The following RTKN2 variants were observed in gnomAD, a reference collection of about 807,000 sequenced individuals.
RTKN2 encodes the protein rhotekin 2.
In RTKN2, 69 loss-of-function variants were observed where a neutral mutation model predicts 71.5. The observed-to-expected ratio is 0.96, with a 90% confidence interval of 0.79 to 1.18. The LOEUF (loss-of-function observed/expected upper bound fraction) is 1.18, where lower values mean the gene tolerates loss of function less well. Among genes scored for constraint, RTKN2 ranks in the 50% most tolerant of loss-of-function variants. The probability of loss-of-function intolerance (pLI) is 0.00; values close to 1 mark genes in which losing one functional copy is unlikely to be tolerated. For synonymous variants in RTKN2, 236 were observed against 236.5 expected (o/e 1.00, Z 0.02); for missense variants, 724 against 719.7 (o/e 1.01, Z -0.07).
At chr10:62,231,532 A>T (rs961159552) in intron 6 of RTKN2, among the ~76,000 whole-genome samples, 1 of 152,204 alleles carries the variant, frequency 6.6e-6, no homozygotes, top group African/African-American at 2.4e-5. Flanking sequence ...CACTTTTAAA[A>T]CATTCTTGTC....
intron 6 of RTKN2, among the ~76,000 whole-genome samples, chr10:62,234,092 T>C (rs1382593829): frequency 6.6e-6 from 1 of 152,202 alleles, no homozygotes; most frequent in Non-Finnish European, 1.5e-5. Context: ...GGGGAACATC[T>C]TACTGTGTCA....
intron 1 of RTKN2, among the ~76,000 whole-genome samples, chr10:62,267,171 T>C (rs1448581007): frequency 1.3e-5 from 2 of 152,244 alleles, no homozygotes; most frequent in African/African-American, 4.8e-5. Flanking sequence ...GAGGAAGTAA[T>C]TCCACATTTC....
exon 9 of RTKN2, chr10:62,184,004 G>A (rs903474198): frequency 5.9e-5 from 13 of 219,736 alleles, no homozygotes; most frequent in Non-Finnish European, 1.1e-4. Flanking sequence ...GAATGCCATA[G>A]TAGTTATAAT....
chr10:62,200,274 G>T (rs1490179067), intron 10 of RTKN2, among the ~76,000 whole-genome samples: 1 of 145,080 alleles, frequency 6.9e-6, no homozygotes, highest in Non-Finnish European at 1.5e-5. Flanking sequence ...GAGGCAGGAG[G>T]ATCACTTGAA....
chr10:62,197,872 A>G lies in RTKN2; in HGVS notation c.*36T>C, dbSNP rs369124517. 1.3e-5 allele frequency: 20 copies of G among 1,563,610 alleles called. No individual in the cohort carries two copies. The African/African-American group carries it at 2.1e-4, about 16-fold the overall frequency. On this transcript the variant is annotated 3_prime_UTR_variant, in exon 12 of 12. Coordinates refer to ENST00000373789, the MANE Select transcript of RTKN2 (RefSeq NM_145307.4). The stretch of plus-strand genomic sequence containing the variant: ...TGCCTCTGAATTAAGCTTCACAGTT[A>G]TAGATTTTGTTAAATGTTTTATCAT...
chr10:62,196,933 A>C lies in RTKN2; in HGVS notation c.*975T>G. 1 of 982,988 alleles carries C rather than the reference A, an allele frequency of 1.0e-6. No individual in the cohort carries two copies. The highest frequency in any genetic ancestry group is 1.2e-6 in the Non-Finnish European group (1 of 827,810). 60.9% of individuals were successfully genotyped at this position (982,988 alleles called of 1,614,324 possible). A position where few individuals can be genotyped will look rare whatever the true frequency, so the allele number is the denominator to read the frequency against. On this transcript the variant is annotated 3_prime_UTR_variant, in exon 12 of 12. Coordinates refer to ENST00000373789, the MANE Select transcript of RTKN2 (RefSeq NM_145307.4). ...ATTACCTCCTATGGAAATGATTCCAATGTCACTGTTGTAAGAATATGACAT... is the reference window on the plus strand; with the variant it reads ...ATTACCTCCTATGGAAATGATTCCACTGTCACTGTTGTAAGAATATGACAT...
intron 9 of RTKN2, among the ~76,000 whole-genome samples, chr10:62,212,206 G>C (rs986809899): frequency 6.6e-6 from 1 of 151,418 alleles, no homozygotes; most frequent in Admixed American, 6.6e-5. Context: ...AGGGCACAGC[G>C]AAAACTTCAA....
intron 4 of RTKN2, 38 bp from the exon 5 acceptor site, chr10:62,239,803 T>C (rs780580738): frequency 2.1e-6 from 2 of 959,188 alleles, no homozygotes; most frequent in African/African-American, 1.6e-5. Context: ...CAACAATCCA[T>C]GTAATAAATC....
chr10:62,241,225 T>C, intron 3 of RTKN2, 30 bp from the exon 4 acceptor site: 1 of 1,440,742 alleles, frequency 6.9e-7, no homozygotes, highest in African/African-American at 1.4e-5. Flanking sequence ...AAATGACAAG[T>C]AATAATTTTG....
At chr10:62,242,013 CT>C (rs34782333) in intron 3 of RTKN2, among the ~76,000 whole-genome samples, 43,491 of 132,406 alleles carry the variant, frequency 0.33, 7,105 homozygotes, top group African/African-American at 0.49. Context: ...AATTATTATA[CT>C]TTTTTTTTTT....
intron 1 of RTKN2, among the ~76,000 whole-genome samples, chr10:62,265,838 G>C (rs1239329189): frequency 6.6e-6 from 1 of 152,046 alleles, no homozygotes. Context: ...GTACCGATTG[G>C]GCATTCAATA....
At position 62,199,332 on chromosome 10, in the gene RTKN2, G is replaced by C. The variant is rs566040162; in HGVS notation, c.1294+422C>G. Among the ~76,000 whole-genome samples the C allele has an allele frequency of 3.9e-5, 6 of 152,136 alleles. No individual in the cohort carries two copies. The South Asian group carries it at 1.2e-3, about 32-fold the overall frequency. On this transcript the variant is annotated intron_variant, in intron 11 of 11. Coordinates refer to ENST00000373789, the MANE Select transcript of RTKN2 (RefSeq NM_145307.4). ...AAACTTAACCAATTTCTTTTTTCTG[G>C]CTAGAGATGAAAGCTTCCATTCATT...
chr10:62,240,114 ACAC>A (rs1464699028), intron 4 of RTKN2, among the ~76,000 whole-genome samples: 11 of 152,134 alleles, frequency 7.2e-5, no homozygotes, highest in African/African-American at 2.4e-4. Context: ...GTGCACACAC[ACAC>A]TACTACTACC....
At chr10:62,233,805 T>A (rs1451522995) in intron 6 of RTKN2, among the ~76,000 whole-genome samples, 3 of 152,166 alleles carry the variant, frequency 2.0e-5, no homozygotes, top group African/African-American at 7.2e-5. Context: ...AAGAGTAATT[T>A]CATTAAATTC....
chr10:62,238,366 CAA>C (rs1842301122), intron 5 of RTKN2: 1 of 151,842 alleles, frequency 6.6e-6, no homozygotes, highest in South Asian at 2.1e-4. Context: ...ACAGAATTCT[CAA>C]AAAATTATAA....
intron 5 of RTKN2, chr10:62,238,278 A>T (rs1015034232): frequency 5.9e-5 from 9 of 152,038 alleles, no homozygotes; most frequent in Admixed American, 5.2e-4. Context: ...ATTAAAAACA[A>T]TCATCATAAC....
rs189846109 is a variant in RTKN2, at chr10:62,193,319, C to T, written c.*4589G>A. 2.0e-6 allele frequency: 2 copies of T among 980,558 alleles called. No individual in the cohort carries two copies. The highest frequency in any genetic ancestry group is 3.5e-5 in the African/African-American group (2 of 57,134). The allele number at this position is 980,558 out of a possible 1,614,324, so 60.7% of individuals were successfully genotyped here. On this transcript the variant is annotated 3_prime_UTR_variant, in exon 12 of 12. Coordinates refer to ENST00000373789, the MANE Select transcript of RTKN2 (RefSeq NM_145307.4). ...TTAAGAGATTACCATGTCTCAAGAG[C>T]AAACTGCTGGAATTTAAAACACAAT...
Position 62,268,783 on chromosome 10 carries a change from T to C in RTKN2, c.-173A>G. 1.6e-6 allele frequency: 1 copy of C among 626,220 alleles called. No homozygotes were observed. The highest frequency in any genetic ancestry group is 2.7e-6 in the Non-Finnish European group (1 of 371,904). The allele number at this position is 626,220 out of a possible 1,614,324, so 38.8% of individuals were successfully genotyped here. On this transcript the variant is annotated 5_prime_UTR_variant, in exon 1 of 12. Transcript: ENST00000373789. ...GAAGCGCACGCGCAGTGGGCGCGCC[T>C]TGCGCTCTGCAGCTCCCGCCGCCGG...
intron 2 of RTKN2, among the ~76,000 whole-genome samples, chr10:62,255,167 T>C (rs964182605): frequency 1.3e-5 from 2 of 152,148 alleles, no homozygotes; most frequent in African/African-American, 4.8e-5. Flanking sequence ...CCTAAGTAGG[T>C]TTATTGTCAG....
Sources: allele counts gnomAD v4.1 joint callset (sites outside exome capture counted in the v4.1 genomes callset), GRCh38; gene constraint gnomAD v4.1.1; transcripts MANE v1.5; gene names NCBI Gene and HGNC (gene_info 2026-07-23, HGNC 2026-07-21).